PLEKHA4: variants seen among roughly 807,000 people sequenced by gnomAD.
PLEKHA4 encodes the protein pleckstrin homology domain containing A4.
A neutral mutation model predicts 94.7 loss-of-function variants in PLEKHA4; 73 were observed. That is an observed-to-expected ratio of 0.77 (90% CI 0.64 to 0.94). The LOEUF (loss-of-function observed/expected upper bound fraction) is 0.94. Among genes scored for constraint, PLEKHA4 ranks in the 40% least tolerant of loss-of-function variants. The pLI, the probability that PLEKHA4 is intolerant of heterozygous loss-of-function variation, is 0.00. For missense variants in PLEKHA4, 1,049 were observed against 1,054.1 expected, an observed-to-expected ratio of 1.00 and a Z score of 0.07; for synonymous variants, 449 against 437.1, an observed-to-expected ratio of 1.03 and a Z score of -0.34.
At chr19:48,862,033 G>C (rs1181550817) in intron 3 of PLEKHA4, among the ~76,000 whole-genome samples, 1 of 151,724 alleles carries the variant, frequency 6.6e-6, no homozygotes, top group Non-Finnish European at 1.5e-5. Flanking sequence ...AGGCTGAGGA[G>C]GGAGGATCAC....
rs775741917 is a variant in PLEKHA4 at position 48,841,172 on chromosome 19, G to A, written c.1882C>T (p.Arg628Cys). 45 of 1,611,240 alleles carry A rather than the reference G, an allele frequency of 2.8e-5. 1 individual carries two copies. Among genetic ancestry groups the A allele is most frequent in the Admixed American group, 6.7e-5 (4 of 59,626 alleles). Residue 628 changes from arginine to cysteine, a missense_variant, in exon 17 of 20, where the codon CGC (arginine) becomes TGC (cysteine). Coordinates refer to ENST00000263265, the MANE Select transcript of PLEKHA4 (RefSeq NM_020904.3). ...ACCCTTTGCTCCACGTCAGGCTGGC[G>A]TCTGGCTGGGGACAGTGTCCTTCCC... ...TLGRTLSPAR[R>C]QPDVEQRPVV...
chr19:48,846,669 G>A (rs2035982634), intron 14 of PLEKHA4, among the ~76,000 whole-genome samples: 1 of 152,120 alleles, frequency 6.6e-6, no homozygotes, highest in South Asian at 2.1e-4. Flanking sequence ...TTGGGAAGCT[G>A]AGGTGAGAGA....
Position 48,853,720 on chromosome 19 carries a change from GCCGGT to G in PLEKHA4, c.1283_1287del (p.Asp428AlafsTer76), listed in dbSNP as rs1377711527. 5.6e-6 allele frequency: 9 copies of G among 1,606,466 alleles called. No homozygotes were observed. The East Asian group carries it at 1.8e-4, about 32-fold the overall frequency. On this transcript the variant is annotated frameshift_variant, in exon 12 of 20. Transcript: ENST00000263265. LOFTEE classifies it high-confidence loss of function. Reference sequence around the variant, plus strand: ...CAGAGGGTGGCCCTCACACTGACCAGCCGGTCCTGCAAGAGGCGCTGGCGACCCCA... The same window carrying G: ...CAGAGGGTGGCCCTCACACTGACCAGCCTGCAAGAGGCGCTGGCGACCCCA...
intron 3 of PLEKHA4, among the ~76,000 whole-genome samples, chr19:48,862,714 C>T (rs1249745544): frequency 2.7e-5 from 4 of 150,398 alleles, no homozygotes; most frequent in South Asian, 4.2e-4. Context: ...GGGGTTTCAC[C>T]GTGTTAGCCA....
Position 48,861,422 on chromosome 19 carries a change from T to TC in PLEKHA4, c.344dup (p.Gly116ArgfsTer21). 1 of 1,613,770 alleles carries TC rather than the reference T, an allele frequency of 6.2e-7. No homozygotes were observed. Among genetic ancestry groups the TC allele is most frequent in the Non-Finnish European group, 8.5e-7 (1 of 1,180,000 alleles). ...TCACGGTGAAGGTGAAGCGCCGCCC[T>TC]CGGGGGGCTCCCGGCCCATCTGGTC... On this transcript the variant is annotated frameshift_variant, in exon 5 of 20. Transcript: ENST00000263265. LOFTEE classifies it high-confidence loss of function.
chr19:48,844,804 CTTTTTTTTTTTTT>C (rs149141709), intron 16 of PLEKHA4, among the ~76,000 whole-genome samples: 1 of 70,808 alleles, frequency 1.4e-5, no homozygotes, highest in African/African-American at 7.1e-5. Flanking sequence ...CTCAGGGTGT[CTTTTTTTTTTTTT>C]TTTTTTTTTT....
Position 48,841,215 on chromosome 19 carries a change from G to A in PLEKHA4, c.1839C>T (p.Ser613=). 2 of 1,613,362 alleles carry A rather than the reference G, an allele frequency of 1.2e-6. No individual in the cohort carries two copies. Among genetic ancestry groups the A allele is most frequent in the Admixed American group, 1.7e-5 (1 of 59,866 alleles). Residue 613 remains serine, a synonymous_variant, in exon 17 of 20, where the codon TCC becomes TCT. Coordinates refer to ENST00000263265, the MANE Select transcript of PLEKHA4 (RefSeq NM_020904.3). ...TCCTTCCCAGGGTGAGAAGCCGGGG[G>A]GAGGTCGGGCGAGGGAAGGGCCGTC... ...ECGRPFPRPT[S]PRLLTLGRTL...
At position 48,845,613 on chromosome 19, in the gene PLEKHA4, G is replaced by C; in HGVS notation, c.1570C>G (p.Leu524Val). ...GAGCTCAGTTCCAAGGACTCTGGCA[G>C]GCTCTGCGGGGATTAGAAAAGGGGG... is the stretch of plus-strand genomic sequence containing the variant. Reference protein sequence around the residue: ...QGEESSERESLPESLELSSPR... With the variant: ...QGEESSERESVPESLELSSPR... Residue 524 changes from leucine (L) to valine (V), a missense_variant, in exon 15 of 20, where the codon CTG becomes GTG. Coordinates refer to ENST00000263265, the MANE Select transcript of PLEKHA4 (RefSeq NM_020904.3). 6.4e-7 allele frequency: 1 copy of C among 1,566,498 alleles called. No homozygotes were observed. The highest frequency in any genetic ancestry group is 8.6e-7 in the Non-Finnish European group (1 of 1,158,236).
chr19:48,858,956 G>T lies in PLEKHA4; in HGVS notation c.876C>A (p.Ser292=), dbSNP rs1490288178. ...LDWGPQRQTL[S]RPPTPRRGPP... is the part of the protein sequence containing the mutation. ...GTCCTCGGCGGGGAGTAGGGGGTCG[G>T]GAGAGGGTCTGGCGTTGGGGGCCCC... The change falls in exon 8 of 20, where the codon TCC becomes TCA. Residue 292 remains serine, a synonymous_variant. Transcript: ENST00000263265. The T allele has an allele frequency of 6.3e-7, 1 of 1,594,584 alleles. No homozygotes were observed. Among genetic ancestry groups the T allele is most frequent in the East Asian group, 2.3e-5 (1 of 44,274 alleles).
chr19:48,845,572 C>G lies in PLEKHA4; in HGVS notation c.1611G>C (p.Glu537Asp), dbSNP rs142897659. ...SLELSSPRSP[E>D]TDWGRPPGGD... ...CTCCAGGAGGCCGCCCCCAGTCAGT[C>G]TCGGGGGACCTAGGGGAGCTCAGTT... The change falls in exon 15 of 20, where the codon GAG becomes GAC. Residue 537 changes from glutamate to aspartate, a missense_variant. Glu to Asp is a conservative substitution (Grantham distance 45). Coordinates refer to ENST00000263265, the MANE Select transcript of PLEKHA4 (RefSeq NM_020904.3). The G allele has an allele frequency of 1.2e-6, 2 of 1,610,242 alleles. No individual in the cohort carries two copies. The highest frequency in any genetic ancestry group is 1.7e-6 in the Non-Finnish European group (2 of 1,177,752).
chr19:48,849,989 G>C (rs1437606257), intron 13 of PLEKHA4, among the ~76,000 whole-genome samples: 1 of 152,100 alleles, frequency 6.6e-6, no homozygotes, highest in African/African-American at 2.4e-5. Flanking sequence ...GAGGCAGGCG[G>C]ATCAGAAGGT....
At position 48,850,946 on chromosome 19, in the gene PLEKHA4, C is replaced by T. The variant is rs535583120; in HGVS notation, c.1425+1282G>A. 1.5e-3 allele frequency among the ~76,000 whole-genome samples: 229 copies of T among 152,014 alleles called. 1 individual carries two copies. Among genetic ancestry groups the T allele is most frequent in the African/African-American group, 5.3e-3 (218 of 41,462 alleles). ...CCTGAGGTCAGGAGTTCGAGACCAG[C>T]CTGACCAACATGGTGAAACCCCCCT... On this transcript the variant is annotated intron_variant, in intron 13 of 19. Coordinates refer to ENST00000263265, the MANE Select transcript of PLEKHA4 (RefSeq NM_020904.3).
chr19:48,855,265 G>C (rs1443737176), intron 9 of PLEKHA4, among the ~76,000 whole-genome samples: 2 of 150,768 alleles, frequency 1.3e-5, no homozygotes, highest in Non-Finnish European at 3.0e-5. Context: ...TTAAAGACCA[G>C]TCTGGGCAAC....
chr19:48,860,466 G>A lies in PLEKHA4; in HGVS notation c.367-7C>T. On this transcript the variant is annotated splice_region_variant and splice_polypyrimidine_tract_variant and intron_variant, in intron 5 of 19. Transcript: ENST00000263265. ...TCATGCCCGGGTGCTCTGCCTGCGG[G>A]AAGAGAAGGCTTGGAATCCGGACTC... is the stretch of plus-strand genomic sequence containing the variant. 1.2e-6 allele frequency: 2 copies of A among 1,611,060 alleles called. No individual in the cohort carries two copies. The highest frequency in any genetic ancestry group is 8.5e-7 in the Non-Finnish European group (1 of 1,177,340).
intron 17 of PLEKHA4, among the ~76,000 whole-genome samples, chr19:48,839,580 A>ATTATTT (rs745952521): frequency 1.3e-5 from 2 of 151,930 alleles, no homozygotes; most frequent in African/African-American, 2.4e-5. Context: ...TGCCTGGCTA[A>ATTATTT]TTATTTTTAT....
chr19:48,844,505 CAA>C, intron 16 of PLEKHA4: 1 of 985,230 alleles, frequency 1.0e-6, no homozygotes, highest in Non-Finnish European at 1.2e-6. Flanking sequence ...ACAGGTACCC[CAA>C]AGACTTCTGA....
intron 12 of PLEKHA4, among the ~76,000 whole-genome samples, chr19:48,853,175 TATTC>T (rs35413065): frequency 3.6e-4 from 55 of 151,452 alleles, no homozygotes; most frequent in East Asian, 1.4e-3. Context: ...AAGTGTTAAA[TATTC>T]ATTCATTCAT....
chr19:48,839,090 A>G, intron 18 of PLEKHA4, 115 bp downstream of exon 18: 3 of 594,290 alleles, frequency 5.0e-6, no homozygotes, highest in Non-Finnish European at 5.6e-6. Flanking sequence ...AAGCATCTCT[A>G]GAAGGGTTGC....
At chr19:48,851,949 A>C (rs1437429647) in intron 13 of PLEKHA4, among the ~76,000 whole-genome samples, 1 of 152,164 alleles carries the variant, frequency 6.6e-6, no homozygotes, top group Non-Finnish European at 1.5e-5. Flanking sequence ...CTTAAAAACA[A>C]ACAAATAAAC....
Sources: gnomAD v4.1 joint callset for allele counts (sites outside exome capture counted in the v4.1 genomes callset) on GRCh38, gnomAD v4.1.1 for gene constraint, MANE v1.5 for transcripts, NCBI Gene and HGNC (gene_info 2026-07-23, HGNC 2026-07-21) for gene names.